The following SLIT3 variants were observed in gnomAD, a reference collection of about 807,000 sequenced individuals.
SLIT3 encodes slit homolog 3 protein.
SLIT3 carries 68 observed loss-of-function variants against 184.0 expected under a neutral mutation model. The ratio of observed to expected loss-of-function variants is 0.37; its 90% confidence interval spans 0.30 to 0.45. SLIT3 has a LOEUF of 0.45. Among genes scored for constraint, SLIT3 ranks in the 20% least tolerant of loss-of-function variants. SLIT3 has a pLI of 1.00. For missense variants in SLIT3, 1,707 were observed against 2,026.0 expected, an observed-to-expected ratio of 0.84 and a Z score of 3.02; for synonymous variants, 831 against 828.6, an observed-to-expected ratio of 1.00 and a Z score of -0.05.
chr5:169,184,343 G>C (rs1033574136), intron 4 of SLIT3, among the ~76,000 whole-genome samples: 1 of 152,204 alleles, frequency 6.6e-6, no homozygotes, highest in Non-Finnish European at 1.5e-5. Context: ...AAGTCAGAGA[G>C]ACCTGGGTTC....
At chr5:169,128,392 G>A in intron 4 of SLIT3, among the ~76,000 whole-genome samples, 1 of 151,414 alleles carries the variant, frequency 6.6e-6, no homozygotes, top group Non-Finnish European at 1.5e-5. Flanking sequence ...TCCTTTTTCT[G>A]GGCTCTTCCA....
At chr5:168,670,481 A>G (rs971993025) in intron 34 of SLIT3, among the ~76,000 whole-genome samples, 1 of 152,204 alleles carries the variant, frequency 6.6e-6, no homozygotes, top group African/African-American at 2.4e-5. Flanking sequence ...CCCATGGAAA[A>G]AAATGAAGGT....
chr5:169,182,418 G>A (rs1044596681), intron 4 of SLIT3, among the ~76,000 whole-genome samples: 1 of 152,158 alleles, frequency 6.6e-6, no homozygotes, highest in African/African-American at 2.4e-5. Context: ...TAAATGAACT[G>A]CAAACCTTAC....
chr5:168,956,736 T>G (rs1762839874), intron 4 of SLIT3, among the ~76,000 whole-genome samples: 2 of 151,932 alleles, frequency 1.3e-5, no homozygotes, highest in Admixed American at 6.6e-5. Context: ...GAGGTTGCAG[T>G]GAGCCGAGAT....
chr5:168,662,505 T>G lies in SLIT3; in HGVS notation c.*3949A>C, dbSNP rs896762997. 1.3e-5 allele frequency: 2 copies of G among 152,162 alleles called. No individual in the cohort carries two copies. Among genetic ancestry groups the G allele is most frequent in the Non-Finnish European group, 2.9e-5 (2 of 68,030 alleles). 9.4% of individuals were successfully genotyped at this position (152,162 alleles called of 1,614,324 possible). Reference sequence around the variant, plus strand: ...GGAGTTATCCCTCTTCTTGCCCTTCTTCTCATCTTTTTGAAGCATCAGACT... The same window carrying G: ...GGAGTTATCCCTCTTCTTGCCCTTCGTCTCATCTTTTTGAAGCATCAGACT... On this transcript the variant is annotated 3_prime_UTR_variant, in exon 36 of 36. Coordinates refer to ENST00000519560, the MANE Select transcript of SLIT3 (RefSeq NM_003062.4).
At chr5:169,041,142 T>C (rs1374129748) in intron 4 of SLIT3, among the ~76,000 whole-genome samples, 1 of 152,244 alleles carries the variant, frequency 6.6e-6, no homozygotes, top group Non-Finnish European at 1.5e-5. Context: ...AATTCTGATA[T>C]CTGGAATATT....
At chr5:168,799,851 A>G (rs376552696) in intron 9 of SLIT3, among the ~76,000 whole-genome samples, 15 of 152,334 alleles carry the variant, frequency 9.8e-5, no homozygotes, top group African/African-American at 3.1e-4. Context: ...TGAGGAAATA[A>G]TGGTACGAAG....
At chr5:168,970,135 C>G (rs954928272) in intron 4 of SLIT3, among the ~76,000 whole-genome samples, 1 of 149,390 alleles carries the variant, frequency 6.7e-6, no homozygotes, top group African/African-American at 2.5e-5. Flanking sequence ...GAGCTGAGAT[C>G]GTGCCACTGC....
chr5:168,755,544 C>T (rs1409759323), intron 16 of SLIT3, among the ~76,000 whole-genome samples: 1 of 151,666 alleles, frequency 6.6e-6, no homozygotes, highest in Non-Finnish European at 1.5e-5. Context: ...AAGTGATTCT[C>T]CTGCCTCAGC....
Position 169,233,675 on chromosome 5 carries a change from A to G in SLIT3, c.341+11030T>C, listed in dbSNP as rs1581085258. Among the ~76,000 whole-genome samples, 3 of 152,214 alleles carry G rather than the reference A, an allele frequency of 2.0e-5. No individual in the cohort carries two copies. The East Asian group carries it at 5.8e-4, about 29-fold the overall frequency. On this transcript the variant is annotated intron_variant, in intron 3 of 35. Coordinates refer to ENST00000519560, the MANE Select transcript of SLIT3 (RefSeq NM_003062.4). ...AAGAATTCTGATAGTTTATGTGTAGATTATTTTATATTTTTCATGTAATCC... is the reference window on the plus strand; with the variant it reads ...AAGAATTCTGATAGTTTATGTGTAGGTTATTTTATATTTTTCATGTAATCC...
chr5:168,772,304 G>C (rs1368381020), intron 14 of SLIT3: 1 of 163,996 alleles, frequency 6.1e-6, no homozygotes. Context: ...AACATACTGT[G>C]GTCAAAGGGC....
chr5:168,979,507 C>T (rs537626200), intron 4 of SLIT3, among the ~76,000 whole-genome samples: 3 of 152,340 alleles, frequency 2.0e-5, no homozygotes, highest in African/African-American at 7.2e-5. Context: ...CTGTACTTCA[C>T]TATTTTCTCG....
At chr5:169,209,751 A>G (rs1427553708) in intron 3 of SLIT3, among the ~76,000 whole-genome samples, 1 of 152,138 alleles carries the variant, frequency 6.6e-6, no homozygotes, top group East Asian at 1.9e-4. Flanking sequence ...AACAACGAGA[A>G]CACATGGACA....
chr5:169,104,942 C>T (rs1216635642), intron 4 of SLIT3, among the ~76,000 whole-genome samples: 4 of 152,146 alleles, frequency 2.6e-5, no homozygotes, highest in African/African-American at 4.8e-5. Flanking sequence ...AAGAAACATG[C>T]GCGCCATTTT....
chr5:169,076,312 T>A (rs1445896219), intron 4 of SLIT3, among the ~76,000 whole-genome samples: 1 of 152,152 alleles, frequency 6.6e-6, no homozygotes, highest in Non-Finnish European at 1.5e-5. Context: ...CACTAGAGAT[T>A]GTTCAGGAGG....
intron 4 of SLIT3, among the ~76,000 whole-genome samples, chr5:169,071,173 A>G (rs970004829): frequency 1.1e-4 from 16 of 152,188 alleles, no homozygotes; most frequent in African/African-American, 2.7e-4. Context: ...TTAGTTTTTG[A>G]TAAGTGGGGT....
chr5:169,244,744 T>G lies in SLIT3; in HGVS notation c.302A>C (p.Glu101Ala). ...HLEDNQVSVI[E>A]RGAFQDLKQL... is the part of the protein sequence containing the mutation. ...CTTCAGGTCCTGGAAGGCGCCTCTC[T>G]CGATGACGCTGACCTGGTTGTCTTC... Residue 101 changes from glutamate to alanine, a missense_variant, in exon 3 of 36, where the codon GAG (glutamate) becomes GCG (alanine). By Grantham distance (107) the Glu-to-Ala change is moderately radical. Around this residue, in one of 3 missense-constraint regions of SLIT3, gnomAD observed 1,307 missense variants for 1,511.6 expected, o/e 0.86. Coordinates refer to ENST00000519560, the MANE Select transcript of SLIT3 (RefSeq NM_003062.4). 6.2e-7 allele frequency: 1 copy of G among 1,614,058 alleles called. No homozygotes were observed. The highest frequency in any genetic ancestry group is 8.5e-7 in the Non-Finnish European group (1 of 1,180,000).
intron 4 of SLIT3, among the ~76,000 whole-genome samples, chr5:169,139,593 C>A (rs185774045): frequency 1.3e-5 from 2 of 152,218 alleles, no homozygotes; most frequent in Admixed American, 6.5e-5. Flanking sequence ...CCCACCCCCC[C>A]AGGGGCTCCT....
intron 3 of SLIT3, among the ~76,000 whole-genome samples, chr5:169,243,553 G>C (rs1765476782): frequency 6.6e-6 from 1 of 152,226 alleles, no homozygotes; most frequent in Non-Finnish European, 1.5e-5. Flanking sequence ...ACACAACAGA[G>C]AGGGAGGAAA....
Sources: gnomAD v4.1 joint callset for allele counts (sites outside exome capture counted in the v4.1 genomes callset) on GRCh38, gnomAD v4.1.1 for gene constraint, gnomAD v4.1.1 regional missense constraint, MANE v1.5 for transcripts, NCBI Gene and HGNC (gene_info 2026-07-23, HGNC 2026-07-21) for gene names.